Variants in RNF175 observed in about 807,000 individuals in gnomAD.
The protein encoded by RNF175 is ring finger protein 175.
In RNF175, 38 loss-of-function variants were observed where a neutral mutation model predicts 50.0. That is an observed-to-expected ratio of 0.76 (90% confidence interval 0.59 to 1.00). The LOEUF (loss-of-function observed/expected upper bound fraction) is 1.00. Among genes scored for constraint, RNF175 ranks in the 50% least tolerant of loss-of-function variants. RNF175 has a pLI of 0.00. For synonymous variants in RNF175, 155 were observed against 146.1 expected (o/e 1.06, Z -0.44); for missense variants, 388 against 409.6 (o/e 0.95, Z 0.46).
In RNF175 at chr4:153,759,789, G is replaced by C. The variant is rs1409484711; in HGVS notation, c.66+8C>G. 5.4e-6 allele frequency: 8 copies of C among 1,476,256 alleles called. No individual in the cohort carries two copies. The highest frequency in any genetic ancestry group is 4.7e-5 in the Admixed American group (2 of 42,994). The allele number at this position is 1,476,256 out of a possible 1,614,324, so 91.4% of individuals were successfully genotyped here. On this transcript the variant is annotated splice_region_variant and intron_variant, in intron 1 of 8. Transcript: ENST00000347063. Reference sequence around the variant, plus strand: ...GCGTCCCCCACGCCCGCGCCCCCGCGCCAGTACCTGCTCCTGCTGCGGGGG... The same window carrying C: ...GCGTCCCCCACGCCCGCGCCCCCGCCCCAGTACCTGCTCCTGCTGCGGGGG...
At chr4:153,719,583 G>A (rs1738197029) in intron 6 of RNF175, among the ~76,000 whole-genome samples, 1 of 152,028 alleles carries the variant, frequency 6.6e-6, no homozygotes, top group Non-Finnish European at 1.5e-5. Context: ...TGTCCATTCT[G>A]AATTTTAGTC....
At chr4:153,739,668 T>C (rs1249511817) in intron 3 of RNF175, among the ~76,000 whole-genome samples, 1 of 152,232 alleles carries the variant, frequency 6.6e-6, no homozygotes, top group Non-Finnish European at 1.5e-5. Context: ...GGATATAGAA[T>C]CCTAGACTGC....
In RNF175 at chr4:153,734,654, GT is replaced by G. The variant is rs1412488570; in HGVS notation, c.247-6294del. Among the ~76,000 whole-genome samples the G allele has an allele frequency of 7.2e-5, 7 of 96,600 alleles. No homozygotes were observed. The East Asian group carries it at 8.7e-4, about 12-fold the overall frequency. The allele number at this position is 96,600 out of a possible 152,430, so 63.4% of individuals were successfully genotyped here. ...CAAATATTTTCTCCAAGTCTGGCTT[GT>G]TTTTTTATTCTTTTTTTTTTTTTTT... On this transcript the variant is annotated intron_variant, in intron 3 of 8. Transcript: ENST00000347063.
At position 153,738,350 on chromosome 4, in the gene RNF175, AT is replaced by A. The variant is rs372942042; in HGVS notation, c.247-9990del. Reference sequence around the variant, plus strand: ...AGGTGCCTGCCGCTACATCTGGCTAATTTTTTTTTTTTTTTGGTAGAGATAA... The same window carrying A: ...AGGTGCCTGCCGCTACATCTGGCTAATTTTTTTTTTTTTTGGTAGAGATAA... On this transcript the variant is annotated intron_variant, in intron 3 of 8. Transcript: ENST00000347063. Among the ~76,000 whole-genome samples the A allele has an allele frequency of 4.3e-3, 623 of 145,366 alleles. 6 individuals are homozygous for A. The highest frequency in any genetic ancestry group is 0.011 in the African/African-American group (435 of 39,488).
At chr4:153,727,748 A>T (rs1435840571) in intron 4 of RNF175, 1 of 152,360 alleles carries the variant, frequency 6.6e-6, no homozygotes, top group Non-Finnish European at 1.5e-5. Context: ...TAAAGTGACC[A>T]TTGGAATATT....
chr4:153,718,596 A>G (rs1738134935), intron 6 of RNF175, among the ~76,000 whole-genome samples: 1 of 152,126 alleles, frequency 6.6e-6, no homozygotes, highest in Non-Finnish European at 1.5e-5. Context: ...TTCTTGGTCC[A>G]CTTGAGAACA....
chr4:153,734,551 T>C (rs1739231555), intron 3 of RNF175, among the ~76,000 whole-genome samples: 1 of 152,202 alleles, frequency 6.6e-6, no homozygotes, highest in South Asian at 2.1e-4. Flanking sequence ...TCTTTTGCCA[T>C]TTTTAATGAG....
At chr4:153,720,094 A>G in intron 6 of RNF175, 90 bp downstream of exon 6, 2 of 1,392,568 alleles carry the variant, frequency 1.4e-6, no homozygotes, top group South Asian at 1.3e-5. Flanking sequence ...AGAAAGACTT[A>G]TTTGTTTCTG....
chr4:153,748,902 CA>C, intron 2 of RNF175, 116 bp from the exon 3 acceptor site: 1 of 929,742 alleles, frequency 1.1e-6, no homozygotes, highest in Non-Finnish European at 1.6e-6. Context: ...CAAAAAGCAA[CA>C]GGGGATTTCA....
intron 3 of RNF175, among the ~76,000 whole-genome samples, chr4:153,742,398 G>C (rs1244591091): frequency 6.6e-6 from 1 of 151,992 alleles, no homozygotes; most frequent in Middle Eastern, 3.2e-3. Flanking sequence ...CAATGGTTGA[G>C]CATTCTCTCT....
At chr4:153,715,781 C>A in intron 6 of RNF175, 119 bp from the exon 7 acceptor site, 1 of 1,042,604 alleles carries the variant, frequency 9.6e-7, no homozygotes, top group South Asian at 1.6e-5. Flanking sequence ...ATCTCCACTG[C>A]GGCCGGGCAT....
chr4:153,742,256 G>C (rs1739704731), intron 3 of RNF175, among the ~76,000 whole-genome samples: 1 of 132,400 alleles, frequency 7.6e-6, no homozygotes, highest in Non-Finnish European at 1.6e-5. Context: ...CTGGGTGACA[G>C]AGTGAGCTTC....
Position 153,723,333 on chromosome 4 carries a change from T to A in RNF175, c.509+18A>T. On this transcript the variant is annotated intron_variant, in intron 5 of 8. Transcript: ENST00000347063. The stretch of plus-strand genomic sequence containing the variant: ...GCAAGTGCTTGGAGATATTAATGTC[T>A]TAATTGGAGATACTTACTTGAAAAA... 6.4e-6 allele frequency: 8 copies of A among 1,249,674 alleles called. No homozygotes were observed. The highest frequency in any genetic ancestry group is 9.4e-6 in the Non-Finnish European group (8 of 851,912). 77.4% of individuals were successfully genotyped at this position (1,249,674 alleles called of 1,614,324 possible). A position where few individuals can be genotyped will look rare whatever the true frequency, so the allele number is the denominator to read the frequency against.
chr4:153,740,994 T>C lies in RNF175; in HGVS notation c.246+7651A>G, dbSNP rs534675107. Among the ~76,000 whole-genome samples the C allele has an allele frequency of 3.3e-5, 5 of 152,334 alleles. No individual in the cohort carries two copies. The South Asian group carries it at 8.3e-4, about 25-fold the overall frequency. ...TTGGGTTTCCCTAAACATTCCTTCT[T>C]ATATAGAGTCTAAGCCTTGCAGCTC... On this transcript the variant is annotated intron_variant, in intron 3 of 8. Coordinates refer to ENST00000347063, the MANE Select transcript of RNF175 (RefSeq NM_173662.4).
chr4:153,718,238 G>GT (rs1430601897), intron 6 of RNF175, among the ~76,000 whole-genome samples: 1 of 82,152 alleles, frequency 1.2e-5, no homozygotes, highest in East Asian at 3.6e-4. Flanking sequence ...TTGTTTGTTT[G>GT]TTTTTTTTTT....
intron 2 of RNF175, among the ~76,000 whole-genome samples, chr4:153,750,076 C>T (rs1740203932): frequency 6.6e-6 from 1 of 152,018 alleles, no homozygotes; most frequent in African/African-American, 2.4e-5. Flanking sequence ...AGAAAGAGGC[C>T]CAGGGTCAAG....
intron 1 of RNF175, among the ~76,000 whole-genome samples, chr4:153,752,770 G>C (rs149107267): frequency 6.6e-6 from 1 of 151,966 alleles, no homozygotes; most frequent in Non-Finnish European, 1.5e-5. Flanking sequence ...TATGTGAGGG[G>C]CAAAAAACTA....
Position 153,720,201 on chromosome 4 carries a change from T to G in RNF175, c.613A>C (p.Met205Leu). ...RDFAEICSDYMASTIGFYSVS... is the reference protein window; with the variant it reads ...RDFAEICSDYLASTIGFYSVS... ...ACACTTACCCCTATAGTGGAAGCCA[T>G]GTAGTCTGAGCAGATCTCGGCAAAG... The change falls in exon 6 of 9, where the codon ATG becomes CTG. Residue 205 changes from methionine to leucine, a missense_variant. By Grantham distance (15) the Met-to-Leu change is conservative (BLOSUM62 2). Transcript: ENST00000347063. 1.9e-6 allele frequency: 3 copies of G among 1,613,798 alleles called. No individual in the cohort carries two copies. The highest frequency in any genetic ancestry group is 2.5e-6 in the Non-Finnish European group (3 of 1,179,756).
intron 8 of RNF175, 51 bp downstream of exon 8, chr4:153,712,424 C>T (rs1737645038): frequency 7.1e-6 from 8 of 1,129,608 alleles, no homozygotes; most frequent in Non-Finnish European, 1.0e-5. Flanking sequence ...AGAATATATC[C>T]CCAGAAACAT....
Sources: allele counts gnomAD v4.1 joint callset (sites outside exome capture counted in the v4.1 genomes callset), GRCh38; gene constraint gnomAD v4.1.1; transcripts MANE v1.5; gene names NCBI Gene and HGNC (gene_info 2026-07-23, HGNC 2026-07-21).